The following FBLN2 variants were observed in gnomAD, a reference collection of about 807,000 sequenced individuals.
FBLN2 encodes the protein fibulin-2.
In FBLN2, 81 loss-of-function variants were observed where a neutral mutation model predicts 123.7. That is an observed-to-expected ratio of 0.65 (90% CI 0.55 to 0.79). The LOEUF (loss-of-function observed/expected upper bound fraction) is 0.79. Among genes scored for constraint, FBLN2 ranks in the 30% least tolerant of loss-of-function variants. The pLI, the probability that FBLN2 is intolerant of heterozygous loss-of-function variation, is 0.00. For missense variants in FBLN2, 1,603 were observed against 1,681.3 expected (o/e 0.95, Z 0.81); for synonymous variants, 699 against 701.4 (o/e 1.00, Z 0.05).
At chr3:13,594,992 AG>A (rs1300453640) in intron 2 of FBLN2, among the ~76,000 whole-genome samples, 1 of 152,130 alleles carries the variant, frequency 6.6e-6, no homozygotes, top group East Asian at 1.9e-4. Flanking sequence ...AGCTGGGGTG[AG>A]ATCCTGCGGC....
intron 1 of FBLN2, among the ~76,000 whole-genome samples, chr3:13,564,780 G>A (rs1328003463): frequency 6.6e-6 from 1 of 152,190 alleles, no homozygotes; most frequent in South Asian, 2.1e-4. Context: ...CAGTGTCCTC[G>A]CCAGCCCAGA....
At chr3:13,592,957 G>T (rs1438769779) in intron 2 of FBLN2, among the ~76,000 whole-genome samples, 1 of 152,178 alleles carries the variant, frequency 6.6e-6, no homozygotes, top group Non-Finnish European at 1.5e-5. Flanking sequence ...CCTCTGCTGG[G>T]ATGGTTGTCT....
At chr3:13,569,427 G>A (rs988836170) in intron 1 of FBLN2, among the ~76,000 whole-genome samples, 2 of 152,126 alleles carry the variant, frequency 1.3e-5, no homozygotes, top group Non-Finnish European at 2.9e-5. Flanking sequence ...GCAGGGAGGT[G>A]GCGGGGCTGT....
chr3:13,601,162 A>G (rs751039825), intron 2 of FBLN2, among the ~76,000 whole-genome samples: 2 of 152,208 alleles, frequency 1.3e-5, no homozygotes, highest in East Asian at 1.9e-4. Context: ...TAGCGCTGCT[A>G]TATTTCAGCT....
chr3:13,553,751 C>T (rs1012409071), intron 1 of FBLN2, among the ~76,000 whole-genome samples: 4 of 152,332 alleles, frequency 2.6e-5, no homozygotes, highest in Admixed American at 6.5e-5. Context: ...GCGGCCAGTG[C>T]GTCCCGCCCA....
At chr3:13,590,260 C>T (rs1458817952) in intron 2 of FBLN2, among the ~76,000 whole-genome samples, 3 of 152,180 alleles carry the variant, frequency 2.0e-5, no homozygotes, top group African/African-American at 4.8e-5. Flanking sequence ...CCTCCTGCCT[C>T]GCCCTCCCAA....
intron 2 of FBLN2, among the ~76,000 whole-genome samples, chr3:13,591,782 G>A (rs562914678): frequency 6.6e-6 from 1 of 152,222 alleles, no homozygotes; most frequent in South Asian, 2.1e-4. Context: ...ATATTTTTCT[G>A]TAATATCCTA....
intron 9 of FBLN2, among the ~76,000 whole-genome samples, chr3:13,623,464 A>G (rs1242707550): frequency 1.3e-5 from 2 of 152,136 alleles, no homozygotes; most frequent in South Asian, 2.1e-4. Flanking sequence ...TTCATCCTGT[A>G]CAAACCCGTC....
At chr3:13,567,743 G>A (rs765296389) in intron 1 of FBLN2, among the ~76,000 whole-genome samples, 15 of 152,132 alleles carry the variant, frequency 9.9e-5, no homozygotes, top group Non-Finnish European at 1.8e-4. Context: ...TGAGGCAGGA[G>A]GGTCGCTTGA....
chr3:13,620,945 C>T (rs1705830060), intron 8 of FBLN2, among the ~76,000 whole-genome samples: 1 of 152,240 alleles, frequency 6.6e-6, no homozygotes, highest in Non-Finnish European at 1.5e-5. Context: ...ATGCTGGGGG[C>T]AGCTCTCAGG....
At position 13,627,898 on chromosome 3, in the gene FBLN2, G is replaced by T; in HGVS notation, c.2498G>T (p.Gly833Val). 4 of 1,613,822 alleles carry T rather than the reference G, an allele frequency of 2.5e-6. No homozygotes were observed. The highest frequency in any genetic ancestry group is 2.2e-5 in the East Asian group (1 of 44,876). ...GGCTTCTTGTGCCAGAACACCAAGG[G>T]CTCCTTCTACTGCCAGGCCAGGCAG... ...QPGFLCQNTKGSFYCQARQRC... is the reference protein window; with the variant it reads ...QPGFLCQNTKVSFYCQARQRC... The change falls in exon 11 of 18, where the codon GGC becomes GTC. Residue 833 changes from glycine to valine, a missense_variant. By Grantham distance (109) the Gly-to-Val change is moderately radical. Transcript: ENST00000404922.
chr3:13,587,865 C>G (rs1482947994), intron 2 of FBLN2, among the ~76,000 whole-genome samples: 2 of 152,184 alleles, frequency 1.3e-5, no homozygotes, highest in Admixed American at 6.5e-5. Flanking sequence ...TGGAGGCACC[C>G]CCCAATCTTG....
chr3:13,619,517 G>A (rs1705770613), intron 7 of FBLN2, among the ~76,000 whole-genome samples: 2 of 152,174 alleles, frequency 1.3e-5, no homozygotes, highest in South Asian at 2.1e-4. Flanking sequence ...GACCCAGAAC[G>A]TCGTCCCCGA....
intron 4 of FBLN2, among the ~76,000 whole-genome samples, chr3:13,610,800 G>A (rs1320560692): frequency 1.3e-5 from 2 of 152,016 alleles, no homozygotes; most frequent in Non-Finnish European, 2.9e-5. Context: ...ATCAGGAATG[G>A]GGCACAGGCA....
At chr3:13,625,822 T>A (rs900431004) in intron 9 of FBLN2, among the ~76,000 whole-genome samples, 3 of 150,540 alleles carry the variant, frequency 2.0e-5, no homozygotes, top group African/African-American at 7.3e-5. Context: ...TGCTTGGAAC[T>A]CTCTATGGCT....
Position 13,609,516 on chromosome 3 carries a change from A to G in FBLN2, c.1422A>G (p.Thr474=). 1 of 1,544,118 alleles carries G rather than the reference A, an allele frequency of 6.5e-7. No individual in the cohort carries two copies. The highest frequency in any genetic ancestry group is 8.7e-7 in the Non-Finnish European group (1 of 1,144,284). The change falls in exon 4 of 18, where the codon ACA becomes ACG. Residue 474 remains threonine (T), a synonymous_variant. Coordinates refer to ENST00000404922, the MANE Select transcript of FBLN2 (RefSeq NM_001004019.2). ...TAAGTTACCCCCTCTGTTTCAGGAC[A>G]GCCCAGAGGCACTGCTGTGTCTCCT... ...ESGTEDNVCR[T]AQRHCCVSYL... is the part of the protein sequence containing the mutation.
intron 2 of FBLN2, among the ~76,000 whole-genome samples, chr3:13,582,207 C>T (rs908123310): frequency 6.6e-6 from 1 of 152,238 alleles, no homozygotes; most frequent in Non-Finnish European, 1.5e-5. Context: ...TGGCGGCCTT[C>T]GAGCCCTGGG....
intron 2 of FBLN2, among the ~76,000 whole-genome samples, chr3:13,600,032 A>C (rs1330934427): frequency 6.8e-6 from 1 of 148,108 alleles, no homozygotes; most frequent in Non-Finnish European, 1.5e-5. Flanking sequence ...AGAGAGAGAG[A>C]GAGAGAGAGA....
chr3:13,570,354 C>T lies in FBLN2; in HGVS notation c.-2C>T, dbSNP rs759949630. 3 of 1,549,384 alleles carry T rather than the reference C, an allele frequency of 1.9e-6. No individual in the cohort carries two copies. The highest frequency in any genetic ancestry group is 2.4e-5 in the East Asian group (1 of 42,236). On this transcript the variant is annotated 5_prime_UTR_variant, in exon 2 of 18. Coordinates refer to ENST00000404922, the MANE Select transcript of FBLN2 (RefSeq NM_001004019.2). ...GGGGACCGTCCTGGGCTGGCCTGGA[C>T]CATGGTGCTGCTCTGGGAGCCTGCA...
Sources: gnomAD v4.1 joint callset for allele counts (sites outside exome capture counted in the v4.1 genomes callset) on GRCh38, gnomAD v4.1.1 for gene constraint, MANE v1.5 for transcripts, NCBI Gene and HGNC (gene_info 2026-07-23, HGNC 2026-07-21) for gene names.